SPG21: variants seen among roughly 807,000 people sequenced by gnomAD.
SPG21 encodes SPG21 abhydrolase domain containing, maspardin.
A neutral mutation model predicts 38.9 loss-of-function variants in SPG21; 26 were observed. That is an observed-to-expected ratio of 0.67 (90% confidence interval 0.49 to 0.93). The LOEUF (loss-of-function observed/expected upper bound fraction) is 0.93, where lower values mean the gene tolerates loss of function less well. Ranked by LOEUF, SPG21 falls within the 40% of genes least tolerant of loss-of-function variation. The probability of loss-of-function intolerance (pLI) is 0.00; values close to 1 mark genes in which losing one functional copy is unlikely to be tolerated. For synonymous variants in SPG21, 136 were observed against 128.9 expected, an observed-to-expected ratio of 1.05 and a Z score of -0.37; for missense variants, 333 against 376.5, an observed-to-expected ratio of 0.88 and a Z score of 0.96.
At position 64,970,195 on chromosome 15, in the gene SPG21, G is replaced by A. The variant is rs1266274045; in HGVS notation, c.480C>T (p.Leu160=). The A allele has an allele frequency of 6.2e-7, 1 of 1,613,946 alleles. No individual in the cohort carries two copies. Among genetic ancestry groups the A allele is most frequent in the Non-Finnish European group, 8.5e-7 (1 of 1,180,004 alleles). The change falls in exon 6 of 9, where the codon CTC becomes CTT. Residue 160 remains leucine (L), a synonymous_variant. Coordinates refer to ENST00000204566, the MANE Select transcript of SPG21 (RefSeq NM_016630.7). ...NSFWLMPAFM[L]KKIVLGNFSS... is the part of the protein sequence containing the mutation. ...AAAAATTTCCAAGAACTATTTTTTTGAGCATAAATGCAGGCATCAGCCAAA... is the reference window on the plus strand; with the variant it reads ...AAAAATTTCCAAGAACTATTTTTTTAAGCATAAATGCAGGCATCAGCCAAA...
chr15:64,969,162 G>C (rs1232559585), intron 7 of SPG21, 93 bp downstream of exon 7: 6 of 881,832 alleles, frequency 6.8e-6, no homozygotes, highest in African/African-American at 1.7e-5. Context: ...CATTTGAAGA[G>C]GTACATTGAA....
intron 8 of SPG21, among the ~76,000 whole-genome samples, 164 bp from the exon 9 acceptor site, chr15:64,963,900 G>A (rs1427256452): frequency 6.6e-6 from 1 of 152,050 alleles, no homozygotes; most frequent in Non-Finnish European, 1.5e-5. Context: ...GGGATTACAG[G>A]TGCCCGCCAC....
intron 3 of SPG21, among the ~76,000 whole-genome samples, chr15:64,979,241 G>C (rs530844257): frequency 4.7e-4 from 72 of 152,270 alleles, no homozygotes; most frequent in African/African-American, 1.7e-3. Context: ...TGCCACTGTG[G>C]AGCGAGAAAC....
intron 7 of SPG21, among the ~76,000 whole-genome samples, chr15:64,968,505 G>T (rs1372155925): frequency 6.6e-6 from 1 of 152,092 alleles, no homozygotes; most frequent in Non-Finnish European, 1.5e-5. Flanking sequence ...TTTATAGACA[G>T]AAAATAAAAC....
chr15:64,984,429 C>T (rs1708638051), intron 1 of SPG21, among the ~76,000 whole-genome samples: 1 of 152,108 alleles, frequency 6.6e-6, no homozygotes. Flanking sequence ...CACAGCTCAC[C>T]ACAGCCTTAA....
At position 64,976,147 on chromosome 15, in the gene SPG21, C is replaced by T. The variant is rs1013873754; in HGVS notation, c.306+328G>A. Among the ~76,000 whole-genome samples, 12 of 152,006 alleles carry T rather than the reference C, an allele frequency of 7.9e-5. No homozygotes were observed. In the South Asian group the frequency reaches 8.3e-4, roughly 11 times the overall value. On this transcript the variant is annotated intron_variant, in intron 4 of 8. Transcript: ENST00000204566. ...TATTATTAAAAAATAAAAGAGGGCT[C>T]GGCACGGTGGCTCACGCCTGTAATC...
At chr15:64,975,115 G>A (rs548024009) in intron 4 of SPG21, among the ~76,000 whole-genome samples, 45 of 151,816 alleles carry the variant, frequency 3.0e-4, no homozygotes, top group Middle Eastern at 3.4e-3. Flanking sequence ...TGGTGAAACC[G>A]TCTCTACTAA....
intron 5 of SPG21, 108 bp from the exon 6 acceptor site, chr15:64,970,330 CT>C: frequency 3.2e-6 from 3 of 923,388 alleles, no homozygotes; most frequent in Middle Eastern, 5.8e-4. Flanking sequence ...ATAAAAAGTC[CT>C]AATCCCCTCC....
At chr15:64,982,142 CTTT>C (rs56118434) in intron 2 of SPG21, among the ~76,000 whole-genome samples, 7 of 114,624 alleles carry the variant, frequency 6.1e-5, no homozygotes, top group Non-Finnish European at 1.0e-4. Flanking sequence ...CTTTTCTTTT[CTTT>C]TTTTTTTTTT....
intron 3 of SPG21, among the ~76,000 whole-genome samples, 174 bp from the exon 4 acceptor site, chr15:64,976,729 T>G (rs1455597737): frequency 2.0e-5 from 3 of 152,204 alleles, no homozygotes; most frequent in African/African-American, 7.2e-5. Context: ...ATATTTCACA[T>G]TTTTCTAACA....
At chr15:64,981,202 T>C in intron 2 of SPG21, 177 bp from the exon 3 acceptor site, 1 of 678,312 alleles carries the variant, frequency 1.5e-6, no homozygotes, top group South Asian at 1.9e-5. Context: ...TTTTCTTTCC[T>C]CAGGGCTAAC....
chr15:64,977,685 C>G (rs2085808501), intron 3 of SPG21, among the ~76,000 whole-genome samples: 1 of 151,170 alleles, frequency 6.6e-6, no homozygotes, highest in Non-Finnish European at 1.5e-5. Context: ...TGCCAGGCTA[C>G]TGTACTTCTG....
chr15:64,971,785 C>T (rs1398077202), intron 5 of SPG21, among the ~76,000 whole-genome samples: 2 of 152,120 alleles, frequency 1.3e-5, no homozygotes, highest in Non-Finnish European at 2.9e-5. Flanking sequence ...GCAGTGAGAA[C>T]GTGCCACTGC....
At chr15:64,988,530 A>G (rs2086045335) in intron 1 of SPG21, 1 of 152,254 alleles carries the variant, frequency 6.6e-6, no homozygotes, top group Non-Finnish European at 1.5e-5. Flanking sequence ...GTACACAGCT[A>G]TCCTTTTCTT....
intron 3 of SPG21, among the ~76,000 whole-genome samples, chr15:64,979,845 CAAAAAAAA>C (rs71136305): frequency 2.2e-5 from 2 of 89,552 alleles, no homozygotes; most frequent in Non-Finnish European, 2.1e-5. Context: ...TGGAAGCATG[CAAAAAAAA>C]AAAAAAAAAA....
chr15:64,968,050 T>A (rs986519737), intron 7 of SPG21, among the ~76,000 whole-genome samples: 9 of 152,142 alleles, frequency 5.9e-5, no homozygotes, highest in African/African-American at 1.9e-4. Flanking sequence ...TAGATATTAT[T>A]CAGCTTTAAA....
At chr15:64,987,131 CTCT>C (rs1566933822) in intron 1 of SPG21, 1 of 152,236 alleles carries the variant, frequency 6.6e-6, no homozygotes, top group Non-Finnish European at 1.5e-5. Context: ...CGCGGTCATC[CTCT>C]TCTTTCCCAT....
chr15:64,983,651 A>G, intron 1 of SPG21, 58 bp from the exon 2 acceptor site: 1 of 1,063,054 alleles, frequency 9.4e-7, no homozygotes, highest in South Asian at 1.3e-5. Flanking sequence ...TCAGAACTAA[A>G]TGTAGAGTCT....
chr15:64,978,661 C>T (rs747372719), intron 3 of SPG21, among the ~76,000 whole-genome samples: 3 of 152,138 alleles, frequency 2.0e-5, no homozygotes, highest in Non-Finnish European at 4.4e-5. Flanking sequence ...GAATGGGGAA[C>T]TGATTCTACC....
Sources: allele counts gnomAD v4.1 joint callset (sites outside exome capture counted in the v4.1 genomes callset), GRCh38; gene constraint gnomAD v4.1.1; transcripts MANE v1.5; gene names NCBI Gene and HGNC (gene_info 2026-07-23, HGNC 2026-07-21).